Variants in CAMK2A observed in about 807,000 individuals in gnomAD.
The protein encoded by CAMK2A is calcium/calmodulin-dependent protein kinase type II subunit alpha.
A neutral mutation model predicts 79.2 loss-of-function variants in CAMK2A; 7 were observed. The observed-to-expected ratio is 0.09, with a 90% CI of 0.05 to 0.17. The LOEUF is 0.17. Among genes scored for constraint, CAMK2A ranks in the 10% least tolerant of loss-of-function variants. The pLI is 1.00. For missense variants in CAMK2A, 214 were observed against 646.4 expected, an observed-to-expected ratio of 0.33 and a Z score of 7.25; for synonymous variants, 242 against 251.7, an observed-to-expected ratio of 0.96 and a Z score of 0.36.
intron 3 of CAMK2A, among the ~76,000 whole-genome samples, chr5:150,264,258 A>T (rs1044048372): frequency 2.0e-5 from 3 of 152,192 alleles, no homozygotes; most frequent in African/African-American, 7.2e-5. Flanking sequence ...GATGGGGGGA[A>T]GTGATTCAGA....
chr5:150,260,019 G>T (rs1393239252), intron 3 of CAMK2A, among the ~76,000 whole-genome samples: 1 of 152,028 alleles, frequency 6.6e-6, no homozygotes, highest in Non-Finnish European at 1.5e-5. Flanking sequence ...ACAGTTAAGT[G>T]AACACCCAGA....
intron 1 of CAMK2A, among the ~76,000 whole-genome samples, chr5:150,277,402 G>A (rs1429687239): frequency 6.6e-6 from 1 of 152,224 alleles, no homozygotes; most frequent in Non-Finnish European, 1.5e-5. Context: ...TTGGAAATCA[G>A]CACTGATGGG....
chr5:150,260,659 T>C (rs1212137130), intron 3 of CAMK2A, among the ~76,000 whole-genome samples: 4 of 152,176 alleles, frequency 2.6e-5, no homozygotes, highest in Admixed American at 2.6e-4. Context: ...CCTGAGATGA[T>C]ATATGTAAGT....
Position 150,252,511 on chromosome 5 carries a change from T to C in CAMK2A, c.515-446A>G, listed in dbSNP as rs992437851. On this transcript the variant is annotated intron_variant, in intron 7 of 18. Transcript: ENST00000671881. Reference sequence around the variant, plus strand: ...CCCCTTGTTGGAGTTGGTCATGGGATGTCGGGAGGCCTGTCCTAACTGACT... The same window carrying C: ...CCCCTTGTTGGAGTTGGTCATGGGACGTCGGGAGGCCTGTCCTAACTGACT... Among the ~76,000 whole-genome samples, 9 of 152,222 alleles carry C rather than the reference T, an allele frequency of 5.9e-5. 1 individual carries two copies. Among genetic ancestry groups the C allele is most frequent in the Admixed American group, 2.0e-4 (3 of 15,286 alleles).
chr5:150,288,199 T>C (rs1230580223), intron 1 of CAMK2A, among the ~76,000 whole-genome samples: 2 of 152,076 alleles, frequency 1.3e-5, no homozygotes, highest in African/African-American at 4.8e-5. Context: ...AGGAACACCA[T>C]TGTGTCCGCA....
rs534142212 is a variant in CAMK2A, at chr5:150,244,935, C to A, written c.984+226G>T. Among the ~76,000 whole-genome samples, 20 of 152,278 alleles carry A rather than the reference C, an allele frequency of 1.3e-4. No homozygotes were observed. In the South Asian group the frequency reaches 2.3e-3, roughly 17 times the overall value. On this transcript the variant is annotated intron_variant, in intron 13 of 18. Coordinates refer to ENST00000671881, the MANE Select transcript of CAMK2A (RefSeq NM_015981.4). ...ACCCCAGCACACCTGTCACTTCCAC[C>A]CTCCTCCAGTCCCCCCTCTCCCATC... is the stretch of plus-strand genomic sequence containing the variant.
At chr5:150,259,822 A>C (rs1756226029) in intron 3 of CAMK2A, among the ~76,000 whole-genome samples, 1 of 152,044 alleles carries the variant, frequency 6.6e-6, no homozygotes, top group South Asian at 2.1e-4. Context: ...TACAAAAATT[A>C]GCTGGGTGTG....
chr5:150,244,046 T>C (rs1410067580), intron 13 of CAMK2A, among the ~76,000 whole-genome samples: 1 of 152,214 alleles, frequency 6.6e-6, no homozygotes, highest in East Asian at 1.9e-4. Flanking sequence ...AACCAAATAA[T>C]TATGTATTCC....
chr5:150,228,115 G>C, intron 17 of CAMK2A, 77 bp downstream of exon 17: 1 of 1,283,562 alleles, frequency 7.8e-7, no homozygotes, highest in Admixed American at 2.1e-5. Context: ...GGCCCTGCCC[G>C]TCACCCTGCT....
At chr5:150,267,827 G>GC (rs1428787984) in intron 2 of CAMK2A, among the ~76,000 whole-genome samples, 2 of 150,646 alleles carry the variant, frequency 1.3e-5, no homozygotes, top group Non-Finnish European at 2.9e-5. Flanking sequence ...GAGCTCTGAG[G>GC]CCTCTACCCC....
intron 16 of CAMK2A, among the ~76,000 whole-genome samples, chr5:150,230,641 TG>T (rs1754799703): frequency 6.6e-6 from 1 of 152,266 alleles, no homozygotes; most frequent in African/African-American, 2.4e-5. Flanking sequence ...AGTCTGTTTC[TG>T]GGCCAGGCCA....
In CAMK2A at chr5:150,272,550, C is replaced by T. The variant is rs181719133; in HGVS notation, c.157+515G>A. Among the ~76,000 whole-genome samples, 172 of 143,526 alleles carry T rather than the reference C, an allele frequency of 1.2e-3. No homozygotes were observed. In the East Asian group the frequency reaches 0.016, roughly 14 times the overall value. The allele number at this position is 143,526 out of a possible 152,430, so 94.2% of individuals were successfully genotyped here. On this transcript the variant is annotated intron_variant, in intron 2 of 18. Coordinates refer to ENST00000671881, the MANE Select transcript of CAMK2A (RefSeq NM_015981.4). ...TCGCACCATTGCACTCCAGCCTGGG[C>T]GACAAGAGTGAAACTCCATCTCAAA...
chr5:150,235,259 G>C (rs1307398183), intron 15 of CAMK2A, among the ~76,000 whole-genome samples: 3 of 152,154 alleles, frequency 2.0e-5, no homozygotes, highest in Non-Finnish European at 4.4e-5. Flanking sequence ...TTGTTCTGTG[G>C]GACAGAAGAT....
chr5:150,256,950 G>A lies in CAMK2A; in HGVS notation c.273-119C>T. The A allele has an allele frequency of 2.4e-6, 2 of 827,294 alleles. No individual in the cohort carries two copies. The highest frequency in any genetic ancestry group is 3.8e-6 in the Non-Finnish European group (2 of 531,418). The allele number at this position is 827,294 out of a possible 1,614,324, so 51.2% of individuals were successfully genotyped here. ...GACCTCAGGACCTCAGCCACAAAAG[G>A]AGGGGCCCCAGGGTCACGGGGGTGT... On this transcript the variant is annotated intron_variant, in intron 4 of 18. Coordinates refer to ENST00000671881, the MANE Select transcript of CAMK2A (RefSeq NM_015981.4). This position sits in a 1 kb window ranked among gnomAD's most constrained non-coding sequence, Gnocchi z 4.6.
At chr5:150,264,518 TG>T (rs1258809217) in intron 3 of CAMK2A, among the ~76,000 whole-genome samples, 8 of 152,290 alleles carry the variant, frequency 5.3e-5, no homozygotes, top group Admixed American at 4.6e-4. Flanking sequence ...GCCCGGCCTG[TG>T]GGCCAGGGCC....
intron 11 of CAMK2A, among the ~76,000 whole-genome samples, chr5:150,248,604 C>T (rs1200686253): frequency 5.3e-5 from 8 of 150,690 alleles, no homozygotes; most frequent in Non-Finnish European, 1.0e-4. Flanking sequence ...TTTGTCCTTG[C>T]GATAGTTTGC....
chr5:150,272,188 G>A (rs948455088), intron 2 of CAMK2A, among the ~76,000 whole-genome samples: 2 of 152,170 alleles, frequency 1.3e-5, no homozygotes, highest in Non-Finnish European at 2.9e-5. Context: ...AGAAAGGGAG[G>A]TGGGTATTAA....
At chr5:150,286,404 C>G (rs1757428336) in intron 1 of CAMK2A, among the ~76,000 whole-genome samples, 1 of 152,224 alleles carries the variant, frequency 6.6e-6, no homozygotes, top group African/African-American at 2.4e-5. Context: ...GCTACTCTCA[C>G]ATCCATAGCC....
intron 16 of CAMK2A, 32 bp downstream of exon 16, chr5:150,231,273 C>T: frequency 7.3e-7 from 1 of 1,368,068 alleles, no homozygotes; most frequent in Non-Finnish European, 1.0e-6. Context: ...ACAATCCAGG[C>T]AGGACATGCA....
Sources: gnomAD v4.1 joint callset for allele counts (sites outside exome capture counted in the v4.1 genomes callset) on GRCh38, gnomAD v4.1.1 for gene constraint, Gnocchi (gnomAD v3.1) non-coding constraint, MANE v1.5 for transcripts, NCBI Gene and HGNC (gene_info 2026-07-23, HGNC 2026-07-21) for gene names.